The following NETO1 variants were observed in gnomAD, a reference collection of about 807,000 sequenced individuals.
NETO1 encodes the protein neuropilin and tolloid-like protein 1.
A neutral mutation model predicts 61.3 loss-of-function variants in NETO1; 26 were observed. The ratio of observed to expected loss-of-function variants is 0.42; its 90% confidence interval spans 0.31 to 0.59. The LOEUF (loss-of-function observed/expected upper bound fraction) is 0.59, where lower values mean the gene tolerates loss of function less well. Among genes scored for constraint, NETO1 ranks in the 20% least tolerant of loss-of-function variants. The pLI is 0.12. For synonymous variants in NETO1, 225 were observed against 225.8 expected (o/e 1.00, Z 0.03); for missense variants, 531 against 662.8 (o/e 0.80, Z 2.18).
intron 7 of NETO1, among the ~76,000 whole-genome samples, chr18:72,772,825 C>CTCTCTCTTA (rs1568187563): frequency 2.4e-5 from 1 of 40,868 alleles, no homozygotes; most frequent in South Asian, 1.5e-3. Context: ...CTCTCTCTCT[C>CTCTCTCTTA]TATATATATA....
At chr18:72,814,306 A>G (rs941999825) in intron 4 of NETO1, among the ~76,000 whole-genome samples, 2 of 152,172 alleles carry the variant, frequency 1.3e-5, no homozygotes, top group African/African-American at 2.4e-5. Flanking sequence ...TGTGTTTTTC[A>G]AGGGAATAAT....
intron 7 of NETO1, among the ~76,000 whole-genome samples, chr18:72,772,749 C>CTATATATATA (rs1555684116): frequency 7.4e-5 from 2 of 27,142 alleles, no homozygotes; most frequent in South Asian, 2.0e-3. Flanking sequence ...ACACATCTCT[C>CTATATATATA]TATATATATC....
In NETO1 at chr18:72,867,414, A is replaced by C. The variant is rs2074774762; in HGVS notation, c.-123T>G. The C allele has an allele frequency of 3.2e-6, 2 of 615,428 alleles. No homozygotes were observed. 38.1% of individuals were successfully genotyped at this position (615,428 alleles called of 1,614,324 possible). On this transcript the variant is annotated 5_prime_UTR_variant, in exon 1 of 11. Transcript: ENST00000327305. ...AAGACGCAAAGCAAGAAGGAAATAAAGGGGGGCCGAGAGGGAGACCGAGAG... is the reference window on the plus strand; with the variant it reads ...AAGACGCAAAGCAAGAAGGAAATAACGGGGGGCCGAGAGGGAGACCGAGAG...
At chr18:72,764,286 CTGTT>C (rs1442251140) in intron 7 of NETO1, among the ~76,000 whole-genome samples, 5 of 152,224 alleles carry the variant, frequency 3.3e-5, no homozygotes, top group East Asian at 1.9e-4. Flanking sequence ...ATCTATTACT[CTGTT>C]TGGTGAGGGA....
intron 4 of NETO1, among the ~76,000 whole-genome samples, chr18:72,813,186 G>A (rs9319853): frequency 0.15 from 22,960 of 152,072 alleles, 1,935 homozygotes; most frequent in Middle Eastern, 0.24. Context: ...GACAATGTGC[G>A]AGAGAATTTT....
intron 8 of NETO1, among the ~76,000 whole-genome samples, chr18:72,751,596 G>A (rs900484897): frequency 6.6e-6 from 1 of 152,166 alleles, no homozygotes; most frequent in African/African-American, 2.4e-5. Context: ...TTCACTTGGA[G>A]GGCAGGAGCT....
rs1261662093 is a variant in NETO1 at position 72,746,157 on chromosome 18, C to A, written c.*2022G>T. ...TAAAATGTTCACCTAACTTATTTCA[C>A]TATTTTTATTGCTGTTACAAATAAA... On this transcript the variant is annotated 3_prime_UTR_variant, in exon 11 of 11. Coordinates refer to ENST00000327305, the MANE Select transcript of NETO1 (RefSeq NM_138966.5). Among the ~76,000 whole-genome samples, 3 of 152,018 alleles carry A rather than the reference C, an allele frequency of 2.0e-5. No individual in the cohort carries two copies. The highest frequency in any genetic ancestry group is 2.9e-5 in the Non-Finnish European group (2 of 67,994).
intron 6 of NETO1, among the ~76,000 whole-genome samples, chr18:72,790,827 A>G (rs1485007376): frequency 6.6e-6 from 1 of 152,086 alleles, no homozygotes; most frequent in African/African-American, 2.4e-5. Context: ...TATTTATTCC[A>G]TGAGTTTTAC....
chr18:72,760,719 C>T (rs903771352), intron 7 of NETO1, among the ~76,000 whole-genome samples: 2 of 151,926 alleles, frequency 1.3e-5, no homozygotes, highest in African/African-American at 2.4e-5. Flanking sequence ...CACAGAATGC[C>T]GTATAGTGTC....
intron 8 of NETO1, 119 bp downstream of exon 8, chr18:72,755,915 G>T: frequency 3.5e-6 from 2 of 566,534 alleles, no homozygotes; most frequent in East Asian, 2.8e-5. Context: ...AGACATATGC[G>T]GTGGTCATAA....
chr18:72,778,360 AT>A (rs2071627731), intron 7 of NETO1, among the ~76,000 whole-genome samples: 1 of 152,232 alleles, frequency 6.6e-6, no homozygotes, highest in Non-Finnish European at 1.5e-5. Context: ...ATTCTTTACA[AT>A]ATGAATAGGC....
chr18:72,824,027 A>C (rs1398846767), intron 4 of NETO1, among the ~76,000 whole-genome samples: 2 of 152,252 alleles, frequency 1.3e-5, no homozygotes, highest in Non-Finnish European at 2.9e-5. Flanking sequence ...TCTGGCTGCT[A>C]TGTAGAAAAT....
intron 4 of NETO1, among the ~76,000 whole-genome samples, chr18:72,806,843 T>C (rs2072690094): frequency 6.6e-6 from 1 of 152,188 alleles, no homozygotes; most frequent in Non-Finnish European, 1.5e-5. Flanking sequence ...TGTGTACACA[T>C]CTTTACTGAA....
rs117485138 is a variant in NETO1, at chr18:72,758,971, G to A, written c.869-2824C>T. ...ATTATATTGGGTTCCGAATTTCCTC[G>A]TTATTGTCTGAATCTCTCTCTCAGA... On this transcript the variant is annotated intron_variant, in intron 7 of 10. Transcript: ENST00000327305. Among the ~76,000 whole-genome samples, 101 of 152,220 alleles carry A rather than the reference G, an allele frequency of 6.6e-4. 1 individual carries two copies. The highest frequency in any genetic ancestry group is 3.4e-3 in the Middle Eastern group (1 of 294).
At chr18:72,832,605 G>A (rs1161273598) in intron 4 of NETO1, among the ~76,000 whole-genome samples, 1 of 152,164 alleles carries the variant, frequency 6.6e-6, no homozygotes, top group South Asian at 2.1e-4. Context: ...GGTAGTTGAT[G>A]TGTCTAAGTC....
intron 9 of NETO1, 65 bp downstream of exon 9, chr18:72,749,997 C>T (rs1337984501): frequency 8.3e-7 from 1 of 1,206,648 alleles, no homozygotes; most frequent in African/African-American, 1.5e-5. Context: ...AAATAGAAGA[C>T]AATACTCTGG....
In NETO1 at chr18:72,750,220, C is replaced by T; in HGVS notation, c.1383G>A (p.Gln461=). Reference sequence around the variant, plus strand: ...TGGGTGGGATGAGGGGTTTTCCTGGCTGTGTGGGCATCTCTGTCAAGATAG... The same window carrying T: ...TGGGTGGGATGAGGGGTTTTCCTGGTTGTGTGGGCATCTCTGTCAAGATAG... The part of the protein sequence containing the change: ...DASILTEMPT[Q]PGKPLIPPMN... Residue 461 remains glutamine, a synonymous_variant, in exon 9 of 11, where the codon CAG becomes CAA. Transcript: ENST00000327305. 1.9e-6 allele frequency: 3 copies of T among 1,613,986 alleles called. No individual in the cohort carries two copies. Among genetic ancestry groups the T allele is most frequent in the African/African-American group, 2.7e-5 (2 of 75,008 alleles).
At chr18:72,787,173 CA>C (rs903892582) in intron 6 of NETO1, among the ~76,000 whole-genome samples, 2 of 150,186 alleles carry the variant, frequency 1.3e-5, no homozygotes, top group African/African-American at 4.9e-5. Flanking sequence ...TTAAGTGGAA[CA>C]AAAATTCAAA....
At chr18:72,811,011 C>G (rs971963518) in intron 4 of NETO1, among the ~76,000 whole-genome samples, 1 of 152,174 alleles carries the variant, frequency 6.6e-6, no homozygotes, top group African/African-American at 2.4e-5. Flanking sequence ...CTCACACTTT[C>G]CCTTCATCAG....
Sources: gnomAD v4.1 joint callset for allele counts (sites outside exome capture counted in the v4.1 genomes callset) on GRCh38, gnomAD v4.1.1 for gene constraint, MANE v1.5 for transcripts, NCBI Gene and HGNC (gene_info 2026-07-23, HGNC 2026-07-21) for gene names.